Variants in HMCN1 observed in about 807,000 individuals in gnomAD.
HMCN1 encodes hemicentin-1.
In HMCN1, 321 loss-of-function variants were observed where a neutral mutation model predicts 625.9. That is an observed-to-expected ratio of 0.51 (90% confidence interval 0.47 to 0.56). The LOEUF is 0.56. Among genes scored for constraint, HMCN1 ranks in the 20% least tolerant of loss-of-function variants. The probability of loss-of-function intolerance (pLI) is 0.00; values close to 1 mark genes in which losing one functional copy is unlikely to be tolerated. For synonymous variants in HMCN1, 2,425 were observed against 2,417.6 expected (o/e 1.00, Z -0.09); for missense variants, 6,588 against 6,887.3 (o/e 0.96, Z 1.54).
At position 185,963,863 on chromosome 1, in the gene HMCN1, C is replaced by T. The variant is rs527805194; in HGVS notation, c.2066C>T (p.Thr689Ile). ...TGCCTAGCAAGTAATTCAGCTGGAA[C>T]AGATAAACAGAATTCTACTCTCAGA... is the stretch of plus-strand genomic sequence containing the variant. ...YGCLASNSAG[T>I]DKQNSTLRYI... The change falls in exon 13 of 107, where the codon ACA becomes ATA. Residue 689 changes from threonine to isoleucine, a missense_variant. Thr to Ile is a moderately conservative substitution (Grantham distance 89). Around this residue, in one of 3 missense-constraint regions of HMCN1, gnomAD observed 4,628 missense variants for 4,853.1 expected, o/e 0.95. Transcript: ENST00000271588. 1.9e-6 allele frequency: 3 copies of T among 1,612,072 alleles called. No individual in the cohort carries two copies. Among genetic ancestry groups the T allele is most frequent in the African/African-American group, 1.3e-5 (1 of 74,904 alleles).
chr1:186,027,138 G>C (rs985042132), intron 36 of HMCN1, among the ~76,000 whole-genome samples: 1 of 152,138 alleles, frequency 6.6e-6, no homozygotes, highest in African/African-American at 2.4e-5. Flanking sequence ...CTGTAGTAAG[G>C]GTGCCTGGTC....
At position 185,989,482 on chromosome 1, in the gene HMCN1, T is replaced by G; in HGVS notation, c.3049-6T>G. On this transcript the variant is annotated splice_polypyrimidine_tract_variant and splice_region_variant and intron_variant, in intron 20 of 106. Transcript: ENST00000271588. Reference sequence around the variant, plus strand: ...AAAACCCTTTGCTTTTCGCCGTGTTTTGCAGAAAGGAGAGCTGATTTCAAC... The same window carrying G: ...AAAACCCTTTGCTTTTCGCCGTGTTGTGCAGAAAGGAGAGCTGATTTCAAC... 1 of 1,613,884 alleles carries G rather than the reference T, an allele frequency of 6.2e-7. No individual in the cohort carries two copies. The highest frequency in any genetic ancestry group is 8.5e-7 in the Non-Finnish European group (1 of 1,179,962).
At chr1:185,805,341 G>A (rs1453621198) in intron 1 of HMCN1, among the ~76,000 whole-genome samples, 2 of 152,014 alleles carry the variant, frequency 1.3e-5, no homozygotes, top group East Asian at 3.9e-4. Flanking sequence ...TGACAGTTTT[G>A]TACCCCCATC....
intron 86 of HMCN1, 34 bp from the exon 87 acceptor site, chr1:186,136,634 C>T: frequency 6.2e-7 from 1 of 1,610,780 alleles, no homozygotes; most frequent in Admixed American, 1.7e-5. Context: ...TGTAACTCCA[C>T]AAAAACTGAG....
chr1:185,940,920 C>T (rs778385895), intron 11 of HMCN1, among the ~76,000 whole-genome samples: 5 of 152,192 alleles, frequency 3.3e-5, no homozygotes, highest in African/African-American at 7.2e-5. Context: ...TGTGCCACCA[C>T]GTCAGCTAAT....
chr1:186,188,474 C>G (rs1229727590), intron 106 of HMCN1, among the ~76,000 whole-genome samples: 2 of 152,164 alleles, frequency 1.3e-5, no homozygotes, highest in East Asian at 3.9e-4. Context: ...TCTGCCCGTT[C>G]ATACATCATC....
intron 19 of HMCN1, among the ~76,000 whole-genome samples, chr1:185,984,961 T>C (rs1423437486): frequency 4.6e-5 from 7 of 152,136 alleles, no homozygotes; most frequent in African/African-American, 1.7e-4. Context: ...AAAAAAACCA[T>C]TGCATTAAAA....
At chr1:186,165,938 A>G (rs1651851702) in intron 98 of HMCN1, among the ~76,000 whole-genome samples, 1 of 152,236 alleles carries the variant, frequency 6.6e-6, no homozygotes, top group African/African-American at 2.4e-5. Context: ...TAGATGATAA[A>G]TATATTTTAG....
At chr1:186,155,833 T>C (rs537702817) in intron 97 of HMCN1, among the ~76,000 whole-genome samples, 2 of 152,346 alleles carry the variant, frequency 1.3e-5, no homozygotes, top group Admixed American at 1.3e-4. Context: ...CTTGCATTCC[T>C]GGTAGCTTAA....
At chr1:186,158,514 C>T (rs1651195374) in intron 97 of HMCN1, among the ~76,000 whole-genome samples, 1 of 152,212 alleles carries the variant, frequency 6.6e-6, no homozygotes, top group Non-Finnish European at 1.5e-5. Context: ...CTTGCCTGTG[C>T]TTATGTCCTG....
chr1:186,041,255 A>T, intron 40 of HMCN1, 119 bp downstream of exon 40: 1 of 900,800 alleles, frequency 1.1e-6, no homozygotes, highest in Non-Finnish European at 1.8e-6. Context: ...AAATGATATT[A>T]CAGGATCAAT....
At chr1:186,189,394 C>T in intron 106 of HMCN1, 118 bp from the exon 107 acceptor site, 1 of 1,059,826 alleles carries the variant, frequency 9.4e-7, no homozygotes, top group Non-Finnish European at 1.4e-6. Flanking sequence ...ACCGCTTTTA[C>T]AGCCAGGCTG....
At chr1:186,142,138 A>G (rs1650006935) in intron 89 of HMCN1, among the ~76,000 whole-genome samples, 1 of 152,076 alleles carries the variant, frequency 6.6e-6, no homozygotes, top group Non-Finnish European at 1.5e-5. Context: ...TTATTTTTCT[A>G]AACCTCTTCC....
At chr1:185,867,262 G>C (rs896164808) in intron 4 of HMCN1, among the ~76,000 whole-genome samples, 19 of 152,150 alleles carry the variant, frequency 1.2e-4, no homozygotes, top group African/African-American at 4.6e-4. Flanking sequence ...TTCCTGGGAA[G>C]GGTCTGATGA....
intron 36 of HMCN1, among the ~76,000 whole-genome samples, chr1:186,035,027 G>A (rs1015720663): frequency 6.6e-6 from 1 of 152,148 alleles, no homozygotes; most frequent in Non-Finnish European, 1.5e-5. Flanking sequence ...TCTTCAATGA[G>A]CACTTCAGTC....
At chr1:186,077,864 T>G (rs1658927069) in intron 54 of HMCN1, among the ~76,000 whole-genome samples, 1 of 152,190 alleles carries the variant, frequency 6.6e-6, no homozygotes, top group African/African-American at 2.4e-5. Flanking sequence ...GCAGTCCCCC[T>G]TCTAGGAAAA....
At position 185,989,632 on chromosome 1, in the gene HMCN1, C is replaced by G; in HGVS notation, c.3193C>G (p.Gln1065Glu). ...NTAGYAKRKV[Q>E]LTVYVRPRVF... is the part of the protein sequence containing the mutation. Reference sequence around the variant, plus strand: ...AGCCGGCTACGCCAAAAGGAAAGTGCAGCTAACAGTCTATGGTGAGAGCTG... The same window carrying G: ...AGCCGGCTACGCCAAAAGGAAAGTGGAGCTAACAGTCTATGGTGAGAGCTG... The change falls in exon 21 of 107, where the codon CAG (glutamine) becomes GAG (glutamate). Residue 1065 changes from glutamine to glutamate, a missense_variant. Coordinates refer to ENST00000271588, the MANE Select transcript of HMCN1 (RefSeq NM_031935.3). 6.2e-7 allele frequency: 1 copy of G among 1,613,982 alleles called. No individual in the cohort carries two copies. Among genetic ancestry groups the G allele is most frequent in the Non-Finnish European group, 8.5e-7 (1 of 1,179,938 alleles).
At chr1:186,029,743 T>G (rs902567164) in intron 36 of HMCN1, among the ~76,000 whole-genome samples, 2 of 151,842 alleles carry the variant, frequency 1.3e-5, no homozygotes, top group South Asian at 4.1e-4. Context: ...ATACTCTAAT[T>G]TTTTTTGTTT....
chr1:186,051,040 A>C (rs1247382320), intron 42 of HMCN1, among the ~76,000 whole-genome samples: 2 of 152,046 alleles, frequency 1.3e-5, no homozygotes, highest in Non-Finnish European at 2.9e-5. Context: ...GCCCTGGAGA[A>C]CACTGTCTGT....
Sources: gnomAD v4.1 joint callset for allele counts (sites outside exome capture counted in the v4.1 genomes callset) on GRCh38, gnomAD v4.1.1 for gene constraint, gnomAD v4.1.1 regional missense constraint, MANE v1.5 for transcripts, NCBI Gene and HGNC (gene_info 2026-07-23, HGNC 2026-07-21) for gene names.